Variants in EPS15 observed in about 807,000 individuals in gnomAD.
EPS15 encodes the protein epidermal growth factor receptor substrate 15.
EPS15 carries 72 observed loss-of-function variants against 113.8 expected under a neutral mutation model. The observed-to-expected ratio is 0.63, with a 90% CI of 0.52 to 0.77. The LOEUF (loss-of-function observed/expected upper bound fraction) is 0.77, where lower values mean the gene tolerates loss of function less well. Among genes scored for constraint, EPS15 ranks in the 30% least tolerant of loss-of-function variants. The probability of loss-of-function intolerance (pLI) is 0.00; values close to 1 mark genes in which losing one functional copy is unlikely to be tolerated. For missense variants in EPS15, 1,048 were observed against 1,045.8 expected, an observed-to-expected ratio of 1.00 and a Z score of -0.03; for synonymous variants, 344 against 363.4, an observed-to-expected ratio of 0.95 and a Z score of 0.61.
At chr1:51,359,588 C>T (rs1166621607) in intron 24 of EPS15, among the ~76,000 whole-genome samples, 2 of 151,104 alleles carry the variant, frequency 1.3e-5, no homozygotes, top group Admixed American at 1.3e-4. Context: ...GGAGAAACCC[C>T]GTCTCTACTA....
intron 21 of EPS15, among the ~76,000 whole-genome samples, chr1:51,389,997 T>C (rs535368513): frequency 0.03 from 4,562 of 152,160 alleles, 71 homozygotes; most frequent in African/African-American, 0.05. Context: ...AAAAAGAGCC[T>C]GCATCGCCAA....
intron 12 of EPS15, among the ~76,000 whole-genome samples, chr1:51,431,257 TG>T (rs1343308364): frequency 6.6e-6 from 1 of 152,102 alleles, no homozygotes; most frequent in African/African-American, 2.4e-5. Context: ...TCTGAGAGAC[TG>T]GCTGTTTTTA....
chr1:51,436,438 A>C (rs1292289235), intron 12 of EPS15, among the ~76,000 whole-genome samples: 2 of 152,226 alleles, frequency 1.3e-5, no homozygotes, highest in Non-Finnish European at 2.9e-5. Context: ...AACAATATTG[A>C]AAAAATTATT....
chr1:51,372,470 T>G lies in EPS15; in HGVS notation c.2120-6441A>C, dbSNP rs1646680635. ...ATGACAAAAATCATTCTGTCTGGTT[T>G]TTAGACCATGATTATTTGGAAAACA... On this transcript the variant is annotated intron_variant, in intron 21 of 24. Coordinates refer to ENST00000371733, the MANE Select transcript of EPS15 (RefSeq NM_001981.3). The G allele has an allele frequency of 7.5e-6, 4 of 533,946 alleles. No individual in the cohort carries two copies. In the Admixed American group the frequency reaches 7.8e-5, roughly 10 times the overall value. 33.1% of individuals were successfully genotyped at this position (533,946 alleles called of 1,614,324 possible).
chr1:51,456,348 A>C (rs1653994612), intron 8 of EPS15, among the ~76,000 whole-genome samples: 1 of 152,190 alleles, frequency 6.6e-6, no homozygotes, highest in Non-Finnish European at 1.5e-5. Context: ...AATAAACACA[A>C]AGCAGACACG....
In EPS15 at chr1:51,512,843, CTTTTTTTTT is replaced by C. The variant is rs59750666; in HGVS notation, c.33+6347_33+6355del. Among the ~76,000 whole-genome samples, 90 of 118,716 alleles carry C rather than the reference CTTTTTTTTT, an allele frequency of 7.6e-4. 1 individual carries two copies. Among genetic ancestry groups the C allele is most frequent in the Admixed American group, 1.3e-3 (15 of 11,544 alleles). 77.9% of individuals were successfully genotyped at this position (118,716 alleles called of 152,430 possible). ...GTTTCTGAATGTAAATGAGCAATAT[CTTTTTTTTT>C]TTTTTTTTTTTTTGGAGACAGGGTC... On this transcript the variant is annotated intron_variant, in intron 1 of 24. Transcript: ENST00000371733.
intron 24 of EPS15, among the ~76,000 whole-genome samples, chr1:51,358,704 TTTTTG>T (rs1393345942): frequency 1.3e-4 from 19 of 143,978 alleles, no homozygotes; most frequent in African/African-American, 2.1e-4. Flanking sequence ...GATTTGTTTT[TTTTTG>T]TTTTTTTTTT....
rs1341918296 is a variant in EPS15 at position 51,463,699 on chromosome 1, T to TA, written c.474dup (p.Lys159Ter). On this transcript the variant is annotated frameshift_variant, in exon 7 of 25. Transcript: ENST00000371733. LOFTEE classifies it high-confidence loss of function. ...CTTCCAAGGATATCCACAGGTAACT[T>TA]AGAGTTGAGCAACACTGGTTTCACT... The TA allele has an allele frequency of 7.5e-6, 12 of 1,598,794 alleles. No homozygotes were observed. Among genetic ancestry groups the TA allele is most frequent in the Non-Finnish European group, 1.0e-5 (12 of 1,167,188 alleles).
intron 23 of EPS15, among the ~76,000 whole-genome samples, chr1:51,362,662 G>A (rs549872996): frequency 2.0e-5 from 3 of 151,882 alleles, no homozygotes; most frequent in Admixed American, 6.6e-5. Context: ...ACAGATTATC[G>A]GATATTTACA....
intron 1 of EPS15, among the ~76,000 whole-genome samples, chr1:51,510,208 C>T (rs1330390791): frequency 6.6e-6 from 1 of 152,148 alleles, no homozygotes; most frequent in South Asian, 2.1e-4. Context: ...AACACACGCA[C>T]ACACACACCA....
chr1:51,498,862 C>A (rs1010169012), intron 1 of EPS15, among the ~76,000 whole-genome samples: 1 of 152,142 alleles, frequency 6.6e-6, no homozygotes, highest in Non-Finnish European at 1.5e-5. Context: ...GAAACTTAAT[C>A]TCCAATGCAA....
chr1:51,519,108 T>G (rs1166220597), intron 1 of EPS15, 91 bp downstream of exon 1: 4 of 884,926 alleles, frequency 4.5e-6, no homozygotes, highest in Admixed American at 3.9e-5. Context: ...GCTGCCTGCT[T>G]GGCCCACAAG....
chr1:51,440,312 TGTA>T, intron 12 of EPS15, 32 bp downstream of exon 12: 1 of 776,844 alleles, frequency 1.3e-6, no homozygotes, highest in Non-Finnish European at 2.2e-6. Flanking sequence ...TGTGTGTGTG[TGTA>T]TGTGAGTAGG....
chr1:51,447,958 G>A (rs376573637), intron 9 of EPS15, 88 bp downstream of exon 9: 5 of 1,520,032 alleles, frequency 3.3e-6, no homozygotes, highest in East Asian at 2.3e-5. Context: ...GCTTTGGTAG[G>A]TAAAATGCCT....
At chr1:51,469,998 G>T (rs1454050647) in intron 4 of EPS15, among the ~76,000 whole-genome samples, 1 of 152,096 alleles carries the variant, frequency 6.6e-6, no homozygotes, top group Admixed American at 6.5e-5. Flanking sequence ...GGTCTCTTCT[G>T]TTGGAGTCAA....
chr1:51,445,926 C>T (rs975569752), intron 10 of EPS15, among the ~76,000 whole-genome samples: 7 of 152,182 alleles, frequency 4.6e-5, no homozygotes, highest in African/African-American at 1.4e-4. Flanking sequence ...ACATTAAGCC[C>T]GTGACAACTG....
chr1:51,470,843 T>G (rs1655185542), intron 4 of EPS15, among the ~76,000 whole-genome samples: 1 of 152,162 alleles, frequency 6.6e-6, no homozygotes, highest in Non-Finnish European at 1.5e-5. Flanking sequence ...AACCTCTGTA[T>G]TTCTAAAGCC....
At chr1:51,438,380 T>C (rs888458918) in intron 12 of EPS15, among the ~76,000 whole-genome samples, 1 of 152,222 alleles carries the variant, frequency 6.6e-6, no homozygotes, top group African/African-American at 2.4e-5. Context: ...AACTTAACAT[T>C]ATAGTTACTA....
chr1:51,368,220 A>G (rs1339013011), intron 21 of EPS15, among the ~76,000 whole-genome samples: 1 of 152,230 alleles, frequency 6.6e-6, no homozygotes, highest in African/African-American at 2.4e-5. Flanking sequence ...TTGAATGTGT[A>G]AAGTGTGCCC....
Sources: gnomAD v4.1 joint callset for allele counts (sites outside exome capture counted in the v4.1 genomes callset) on GRCh38, gnomAD v4.1.1 for gene constraint, MANE v1.5 for transcripts, NCBI Gene and HGNC (gene_info 2026-07-23, HGNC 2026-07-21) for gene names.